VPS13B: variants seen among roughly 807,000 people sequenced by gnomAD.
VPS13B encodes vacuolar protein sorting 13 homolog B.
In VPS13B, 285 loss-of-function variants were observed where a neutral mutation model predicts 426.4. The ratio of observed to expected loss-of-function variants is 0.67; its 90% CI spans 0.61 to 0.74. VPS13B has a LOEUF of 0.74. Among genes scored for constraint, VPS13B ranks in the 30% least tolerant of loss-of-function variants. The probability of loss-of-function intolerance (pLI) is 0.00; values close to 1 mark genes in which losing one functional copy is unlikely to be tolerated. For synonymous variants in VPS13B, 1,676 were observed against 1,676.4 expected, an observed-to-expected ratio of 1.00 and a Z score of 0.01; for missense variants, 4,537 against 4,782.6, an observed-to-expected ratio of 0.95 and a Z score of 1.51.
At chr8:99,349,104 C>A (rs1458717469) in intron 19 of VPS13B, among the ~76,000 whole-genome samples, 2 of 150,984 alleles carry the variant, frequency 1.3e-5, no homozygotes, top group Non-Finnish European at 3.0e-5. Flanking sequence ...GAGGCCGAGG[C>A]GGGCGGATCA....
intron 30 of VPS13B, among the ~76,000 whole-genome samples, chr8:99,521,893 T>C (rs1822394696): frequency 6.6e-6 from 1 of 152,332 alleles, no homozygotes; most frequent in African/African-American, 2.4e-5. Context: ...TTCTCTGATA[T>C]TTGAGTTATA....
intron 21 of VPS13B, chr8:99,424,126 C>T (rs1047164959): frequency 1.3e-5 from 2 of 152,068 alleles, no homozygotes; most frequent in Admixed American, 6.6e-5. Context: ...GGATAGTTAG[C>T]TCTTATTGTT....
intron 19 of VPS13B, among the ~76,000 whole-genome samples, chr8:99,345,086 C>T (rs1811466194): frequency 6.6e-6 from 1 of 151,974 alleles, no homozygotes; most frequent in African/African-American, 2.4e-5. Flanking sequence ...GCTAGTTCTC[C>T]TTGTACAATT....
intron 36 of VPS13B, among the ~76,000 whole-genome samples, chr8:99,707,045 A>G (rs1832525188): frequency 6.6e-6 from 1 of 152,124 alleles, no homozygotes; most frequent in African/African-American, 2.4e-5. Context: ...GGTCCCCTGG[A>G]CTTGTTGGCT....
At position 99,285,838 on chromosome 8, in the gene VPS13B, A is replaced by G. The variant is rs190695750; in HGVS notation, c.2824+10584A>G. Among the ~76,000 whole-genome samples the G allele has an allele frequency of 2.6e-5, 4 of 152,218 alleles. No homozygotes were observed. In the East Asian group the frequency reaches 7.7e-4, roughly 29 times the overall value. On this transcript the variant is annotated intron_variant, in intron 19 of 61. Coordinates refer to ENST00000357162, the MANE Select transcript of VPS13B (RefSeq NM_152564.5). ...TACCCTCTAGAAAAAACCTCATTCT[A>G]CTGACAGCCTTTGCATTCCTTTTAT...
chr8:99,537,548 C>T (rs557938799), intron 30 of VPS13B, among the ~76,000 whole-genome samples: 14 of 152,300 alleles, frequency 9.2e-5, no homozygotes, highest in South Asian at 6.2e-4. Flanking sequence ...TCGACTTCTA[C>T]GCTGCAAATG....
chr8:99,521,765 C>G (rs1397069383), intron 30 of VPS13B, among the ~76,000 whole-genome samples: 1 of 152,176 alleles, frequency 6.6e-6, no homozygotes, highest in Non-Finnish European at 1.5e-5. Context: ...TAAATTCCTA[C>G]TGTTCTCCAG....
At chr8:99,531,494 A>G (rs1822933998) in intron 30 of VPS13B, among the ~76,000 whole-genome samples, 1 of 152,158 alleles carries the variant, frequency 6.6e-6, no homozygotes, top group South Asian at 2.1e-4. Context: ...AAATTTAGTT[A>G]TTAATCTAGT....
chr8:99,559,906 A>T (rs1343157311), intron 31 of VPS13B, among the ~76,000 whole-genome samples: 1 of 152,102 alleles, frequency 6.6e-6, no homozygotes, highest in Non-Finnish European at 1.5e-5. Flanking sequence ...TTTTGGTTCC[A>T]TATGAACTTT....
chr8:99,088,442 C>T (rs1845963893), intron 3 of VPS13B, among the ~76,000 whole-genome samples: 1 of 152,008 alleles, frequency 6.6e-6, no homozygotes. Flanking sequence ...GTGTCATTAA[C>T]TGAATTAGGG....
At chr8:99,070,722 A>G (rs1213518988) in intron 3 of VPS13B, among the ~76,000 whole-genome samples, 2 of 152,020 alleles carry the variant, frequency 1.3e-5, no homozygotes, top group Admixed American at 6.6e-5. Flanking sequence ...TTATTGTTCA[A>G]ACTGTTACGT....
Position 99,096,411 on chromosome 8 carries a change from A to G in VPS13B, c.391A>G (p.Thr131Ala). The part of the protein sequence containing the change: ...KPRRMQQAAP[T>A]DPDLPPGYVQ... ...GCGGAGAATGCAGCAGGCTGCTCCTACAGATCCTGACTTACCACCAGGTAA... is the reference window on the plus strand; with the variant it reads ...GCGGAGAATGCAGCAGGCTGCTCCTGCAGATCCTGACTTACCACCAGGTAA... The change falls in exon 4 of 62, where the codon ACA (threonine) becomes GCA (alanine). Residue 131 changes from threonine (T) to alanine (A), a missense_variant. Around this residue, in one of 2 missense-constraint regions of VPS13B, gnomAD observed 226 missense variants for 308.3 expected, o/e 0.73. Transcript: ENST00000357162. 1 of 1,614,098 alleles carries G rather than the reference A, an allele frequency of 6.2e-7. No homozygotes were observed. Among genetic ancestry groups the G allele is most frequent in the East Asian group, 2.2e-5 (1 of 44,874 alleles).
At chr8:99,268,373 A>T (rs915266220) in intron 17 of VPS13B, among the ~76,000 whole-genome samples, 18 of 152,216 alleles carry the variant, frequency 1.2e-4, no homozygotes, top group Admixed American at 1.1e-3. Context: ...AGCTGCAGAC[A>T]GTCAATGCCA....
chr8:99,234,266 T>C (rs1323047032), intron 17 of VPS13B: 1 of 768,360 alleles, frequency 1.3e-6, no homozygotes, highest in Non-Finnish European at 2.4e-6. Context: ...ATATGTGACA[T>C]TGACAACAGC....
intron 2 of VPS13B, among the ~76,000 whole-genome samples, chr8:99,036,628 G>T (rs1842761226): frequency 6.6e-6 from 1 of 152,072 alleles, no homozygotes; most frequent in Non-Finnish European, 1.5e-5. Context: ...TTACTGTTTG[G>T]TTAGTAGCAT....
intron 26 of VPS13B, 29 bp from the exon 27 acceptor site, chr8:99,502,807 T>A (rs1267808869): frequency 1.4e-6 from 2 of 1,459,402 alleles, no homozygotes; most frequent in Admixed American, 3.3e-5. Context: ...GAAGACTGTG[T>A]TGATATTACT....
intron 39 of VPS13B, among the ~76,000 whole-genome samples, chr8:99,764,709 C>A (rs1028091896): frequency 1.4e-4 from 21 of 152,216 alleles, no homozygotes; most frequent in African/African-American, 4.8e-4. Flanking sequence ...GCCACCACAC[C>A]TGGCATAGAG....
At chr8:99,331,839 T>TA (rs1449043512) in intron 19 of VPS13B, among the ~76,000 whole-genome samples, 1 of 151,794 alleles carries the variant, frequency 6.6e-6, no homozygotes, top group African/African-American at 2.4e-5. Flanking sequence ...TGCATGATCT[T>TA]ACAGCATTTT....
intron 17 of VPS13B, among the ~76,000 whole-genome samples, chr8:99,206,486 A>G (rs1445476912): frequency 6.6e-6 from 1 of 152,188 alleles, no homozygotes; most frequent in East Asian, 1.9e-4. Flanking sequence ...ATGAGAGCCA[A>G]TATTTTCCAA....
Sources: gnomAD v4.1 joint callset for allele counts (sites outside exome capture counted in the v4.1 genomes callset) on GRCh38, gnomAD v4.1.1 for gene constraint, gnomAD v4.1.1 regional missense constraint, MANE v1.5 for transcripts, NCBI Gene and HGNC (gene_info 2026-07-23, HGNC 2026-07-21) for gene names.